The following VOPP1 variants were observed in gnomAD, a reference collection of about 807,000 sequenced individuals.
The protein encoded by VOPP1 is VOPP1 WW domain binding protein.
A neutral mutation model predicts 23.5 loss-of-function variants in VOPP1; 8 were observed. The observed-to-expected ratio is 0.34, with a 90% CI of 0.20 to 0.61. The LOEUF is 0.61. Among genes scored for constraint, VOPP1 ranks in the 20% least tolerant of loss-of-function variants. VOPP1 has a pLI of 0.78. For synonymous variants in VOPP1, 83 were observed against 97.3 expected (o/e 0.85, Z 0.86); for missense variants, 174 against 238.1 (o/e 0.73, Z 1.77).
At chr7:55,517,597 C>T (rs930736610) in intron 2 of VOPP1, among the ~76,000 whole-genome samples, 17 of 152,180 alleles carry the variant, frequency 1.1e-4, no homozygotes, top group African/African-American at 4.1e-4. Flanking sequence ...TGTACCTGCA[C>T]TGCCTTCTCC....
chr7:55,444,108 G>A (rs1791036805), intron 4 of VOPP1, among the ~76,000 whole-genome samples: 2 of 152,136 alleles, frequency 1.3e-5, no homozygotes, highest in South Asian at 2.1e-4. Flanking sequence ...ACCCCAATAA[G>A]TGACAGCTGC....
chr7:55,442,222 G>T (rs947073815), intron 4 of VOPP1, among the ~76,000 whole-genome samples: 1 of 152,216 alleles, frequency 6.6e-6, no homozygotes, highest in South Asian at 2.1e-4. Context: ...AGAGAGTTGC[G>T]GGGCAGAGGT....
chr7:55,483,523 C>G (rs894958997), intron 4 of VOPP1, among the ~76,000 whole-genome samples: 1 of 152,142 alleles, frequency 6.6e-6, no homozygotes, highest in East Asian at 1.9e-4. Context: ...ATCCCAATGC[C>G]CCACCCTGGC....
At position 55,492,412 on chromosome 7, in the gene VOPP1, A is replaced by G; in HGVS notation, c.198T>C (p.Leu66=). Residue 66 remains leucine, a synonymous_variant, in exon 4 of 5, where the codon CTT becomes CTC. Transcript: ENST00000285279. The part of the protein sequence containing the change: ...SIQRLWYFWF[L]LMMGVLFCCG... The stretch of plus-strand genomic sequence containing the variant: ...AGCAGAAAAGCACGCCCATCATCAG[A>G]AGGAACCTGAGGAGAGTACAGACGT... 3.1e-6 allele frequency: 5 copies of G among 1,610,976 alleles called. No individual in the cohort carries two copies. The highest frequency in any genetic ancestry group is 4.2e-6 in the Non-Finnish European group (5 of 1,178,578).
chr7:55,456,466 A>G (rs1429313158), intron 4 of VOPP1, among the ~76,000 whole-genome samples: 1 of 152,240 alleles, frequency 6.6e-6, no homozygotes, highest in Non-Finnish European at 1.5e-5. Context: ...CCAAAGGATT[A>G]TAAATCATTC....
intron 1 of VOPP1, among the ~76,000 whole-genome samples, chr7:55,532,171 G>A (rs1475727125): frequency 6.6e-6 from 1 of 152,256 alleles, no homozygotes; most frequent in Non-Finnish European, 1.5e-5. Flanking sequence ...ACTAAAGTCT[G>A]ACTAAAGGCT....
downstream of VOPP1, among the ~76,000 whole-genome samples, chr7:55,466,499 C>T (rs182918049): frequency 9.9e-4 from 150 of 152,222 alleles, no homozygotes; most frequent in African/African-American, 3.3e-3. Context: ...GGCAGAGGCT[C>T]GGGGACTGAG....
At chr7:55,478,630 T>C (rs958737785) in intron 4 of VOPP1, among the ~76,000 whole-genome samples, 1 of 152,188 alleles carries the variant, frequency 6.6e-6, no homozygotes, top group African/African-American at 2.4e-5. Context: ...TGACCGGATG[T>C]TGGGGAGAGC....
chr7:55,496,855 T>C (rs1488857705), intron 3 of VOPP1, among the ~76,000 whole-genome samples: 1 of 152,226 alleles, frequency 6.6e-6, no homozygotes, highest in Non-Finnish European at 1.5e-5. Flanking sequence ...TCTAAACTTT[T>C]TTGAAGTTCA....
At position 55,463,098 on chromosome 7, in the gene VOPP1, T is replaced by C. The variant is rs566167797; in HGVS notation, n.418-26924A>G. ...TAGTCTGAAAAGGTACTTGATATTA[T>C]CTTAATTTTAAAATTTGTTGAGATT... is the stretch of plus-strand genomic sequence containing the variant. On this transcript the variant is annotated intron_variant and non_coding_transcript_variant, in intron 4 of 4. Transcript: ENST00000462326. Among the ~76,000 whole-genome samples the C allele has an allele frequency of 6.6e-5, 10 of 152,378 alleles. No homozygotes were observed. In the South Asian group the frequency reaches 1.9e-3, roughly 28 times the overall value.
intron 4 of VOPP1, among the ~76,000 whole-genome samples, chr7:55,443,715 G>A (rs1171632771): frequency 6.7e-6 from 1 of 149,428 alleles, no homozygotes; most frequent in African/African-American, 2.5e-5. Flanking sequence ...CACAATCTCG[G>A]CTCACTGCAA....
intron 1 of VOPP1, chr7:55,552,687 C>G (rs1244900825): frequency 5.2e-6 from 8 of 1,536,076 alleles, no homozygotes; most frequent in Non-Finnish European, 7.0e-6. Context: ...GGGGGGCACT[C>G]AGGTCCTGGA....
chr7:55,498,545 G>A (rs754638071), intron 2 of VOPP1, among the ~76,000 whole-genome samples: 53 of 152,142 alleles, frequency 3.5e-4, no homozygotes, highest in Non-Finnish European at 5.7e-4. Context: ...AAACCCTTCC[G>A]TTTTACAGAG....
chr7:55,441,849 CT>C (rs1488130277), intron 4 of VOPP1, among the ~76,000 whole-genome samples: 1 of 152,138 alleles, frequency 6.6e-6, no homozygotes, highest in African/African-American at 2.4e-5. Flanking sequence ...ACACACATGC[CT>C]CACACATGGC....
At chr7:55,533,960 C>T (rs759682855) in intron 1 of VOPP1, among the ~76,000 whole-genome samples, 1 of 152,178 alleles carries the variant, frequency 6.6e-6, no homozygotes, top group Non-Finnish European at 1.5e-5. Flanking sequence ...AAAGCAACAA[C>T]TCTGCCTCAG....
intron 4 of VOPP1, among the ~76,000 whole-genome samples, chr7:55,459,564 T>C (rs1791447494): frequency 6.6e-6 from 1 of 152,160 alleles, no homozygotes. Flanking sequence ...TATTGGTCTG[T>C]TCAGGTTTTC....
At chr7:55,492,086 G>C (rs1793610425) in intron 4 of VOPP1, among the ~76,000 whole-genome samples, 196 bp downstream of exon 4, 1 of 152,176 alleles carries the variant, frequency 6.6e-6, no homozygotes, top group Admixed American at 6.5e-5. Context: ...AAGAATATGA[G>C]GTGACGGGCG....
intron 1 of VOPP1, among the ~76,000 whole-genome samples, chr7:55,536,774 C>A (rs1457376878): frequency 3.9e-5 from 6 of 152,162 alleles, no homozygotes; most frequent in Non-Finnish European, 8.8e-5. Flanking sequence ...ACAGGGGCGG[C>A]GTGCTGATCC....
chr7:55,517,945 A>G (rs1380533411), intron 2 of VOPP1, among the ~76,000 whole-genome samples: 1 of 152,182 alleles, frequency 6.6e-6, no homozygotes, highest in East Asian at 1.9e-4. Context: ...GCTGGCCCCA[A>G]AAAAACAACT....
Sources: allele counts gnomAD v4.1 joint callset (sites outside exome capture counted in the v4.1 genomes callset), GRCh38; gene constraint gnomAD v4.1.1; transcripts MANE v1.5; gene names NCBI Gene and HGNC (gene_info 2026-07-23, HGNC 2026-07-21).